Variants in NKAIN3 observed in about 807,000 individuals in gnomAD.
NKAIN3 encodes sodium/potassium-transporting ATPase subunit beta-1-interacting protein 3.
NKAIN3 carries 25 observed loss-of-function variants against 30.2 expected under a neutral mutation model. The observed-to-expected ratio is 0.83, with a 90% CI of 0.60 to 1.16. The LOEUF (loss-of-function observed/expected upper bound fraction) is 1.16, where lower values mean the gene tolerates loss of function less well. Among genes scored for constraint, NKAIN3 ranks in the 50% most tolerant of loss-of-function variants. The pLI, the probability that NKAIN3 is intolerant of heterozygous loss-of-function variation, is 0.00. For synonymous variants in NKAIN3, 91 were observed against 89.6 expected (o/e 1.02, Z -0.09); for missense variants, 225 against 254.1 (o/e 0.89, Z 0.78).
chr8:62,778,999 G>A (rs1211136789), intron 4 of NKAIN3, among the ~76,000 whole-genome samples: 1 of 152,014 alleles, frequency 6.6e-6, no homozygotes, highest in Non-Finnish European at 1.5e-5. Flanking sequence ...GTCCAGAGAT[G>A]TCATGTGGGA....
intron 4 of NKAIN3, among the ~76,000 whole-genome samples, chr8:62,903,209 T>C (rs982365787): frequency 6.6e-6 from 1 of 152,220 alleles, no homozygotes; most frequent in Non-Finnish European, 1.5e-5. Flanking sequence ...ATTGATTCAT[T>C]TGGAGTCCAG....
chr8:62,701,069 G>T (rs1814316196), intron 3 of NKAIN3, among the ~76,000 whole-genome samples: 3 of 152,186 alleles, frequency 2.0e-5, no homozygotes, highest in African/African-American at 7.2e-5. Flanking sequence ...TTGAAGGTCA[G>T]CATTAAATCC....
chr8:62,861,015 G>A (rs142966604), intron 4 of NKAIN3, among the ~76,000 whole-genome samples: 52 of 152,318 alleles, frequency 3.4e-4, no homozygotes, highest in Admixed American at 6.5e-4. Context: ...TAACATGCTT[G>A]ACAACTAATC....
At chr8:62,560,615 C>T (rs1369411835) in intron 1 of NKAIN3, among the ~76,000 whole-genome samples, 1 of 136,674 alleles carries the variant, frequency 7.3e-6, no homozygotes, top group Admixed American at 8.0e-5. Context: ...TCTCAGCTCA[C>T]TACAACCTCC....
chr8:62,546,333 G>A (rs970131187), intron 1 of NKAIN3, among the ~76,000 whole-genome samples: 2 of 152,148 alleles, frequency 1.3e-5, no homozygotes, highest in African/African-American at 4.8e-5. Flanking sequence ...CAAAGCTAAT[G>A]CAGTACACTG....
At chr8:62,308,664 A>G (rs949588395) in intron 1 of NKAIN3, among the ~76,000 whole-genome samples, 2 of 150,488 alleles carry the variant, frequency 1.3e-5, no homozygotes, top group African/African-American at 5.0e-5. Flanking sequence ...GAAGTTGGTA[A>G]TGAATTAACT....
chr8:62,754,270 TAA>T (rs1816378000), intron 4 of NKAIN3, among the ~76,000 whole-genome samples: 2 of 152,096 alleles, frequency 1.3e-5, no homozygotes, highest in Non-Finnish European at 2.9e-5. Flanking sequence ...CTGGGGTTAA[TAA>T]GTCAATAATA....
At chr8:62,839,185 T>C (rs1035067195) in intron 4 of NKAIN3, among the ~76,000 whole-genome samples, 5 of 151,604 alleles carry the variant, frequency 3.3e-5, no homozygotes, top group Non-Finnish European at 7.4e-5. Context: ...ATTCCTTGTC[T>C]ATTATCAACT....
At chr8:62,327,192 G>A (rs1158583381) in intron 1 of NKAIN3, among the ~76,000 whole-genome samples, 1 of 151,920 alleles carries the variant, frequency 6.6e-6, no homozygotes, top group Non-Finnish European at 1.5e-5. Flanking sequence ...GAGTTTAGGA[G>A]TTCTCTACAT....
intron 1 of NKAIN3, among the ~76,000 whole-genome samples, chr8:62,258,541 C>T (rs1326942351): frequency 6.6e-6 from 1 of 151,926 alleles, no homozygotes; most frequent in Non-Finnish European, 1.5e-5. Flanking sequence ...CCTGTAGTCC[C>T]AACTACTTGA....
Position 62,965,946 on chromosome 8 carries a change from T to C in NKAIN3, c.*539T>C, listed in dbSNP as rs1823699023. 2.0e-6 allele frequency: 2 copies of C among 984,706 alleles called. No homozygotes were observed. The highest frequency in any genetic ancestry group is 2.4e-6 in the Non-Finnish European group (2 of 829,426). The allele number at this position is 984,706 out of a possible 1,614,324, so 61.0% of individuals were successfully genotyped here. ...TTTTTCAACAGCATAAAACAAAACATGGAGTCCTCCTTTGTTCCTGACTTC... is the reference window on the plus strand; with the variant it reads ...TTTTTCAACAGCATAAAACAAAACACGGAGTCCTCCTTTGTTCCTGACTTC... On this transcript the variant is annotated 3_prime_UTR_variant, in exon 7 of 7. Transcript: ENST00000623646.
At chr8:62,811,959 A>G (rs973146437) in intron 4 of NKAIN3, among the ~76,000 whole-genome samples, 20 of 151,600 alleles carry the variant, frequency 1.3e-4, no homozygotes, top group African/African-American at 4.8e-4. Context: ...TTTTTTCCCT[A>G]AAGCTTTTAT....
At chr8:62,684,024 A>T (rs996661211) in intron 3 of NKAIN3, among the ~76,000 whole-genome samples, 5 of 152,106 alleles carry the variant, frequency 3.3e-5, no homozygotes, top group African/African-American at 1.2e-4. Flanking sequence ...CCCAACTCCC[A>T]CTACAACCTT....
chr8:62,669,918 T>C (rs1813246515), intron 3 of NKAIN3, among the ~76,000 whole-genome samples: 2 of 152,180 alleles, frequency 1.3e-5, no homozygotes, highest in African/African-American at 4.8e-5. Flanking sequence ...TAAAATGATA[T>C]ATTTTCCTTT....
At chr8:62,988,683 T>C (rs1248617987), downstream of NKAIN3, among the ~76,000 whole-genome samples, 1 of 152,270 alleles carries the variant, frequency 6.6e-6, no homozygotes, top group African/African-American at 2.4e-5. Context: ...TTGTTCCTTC[T>C]AGGCCTCTGG....
intron 4 of NKAIN3, among the ~76,000 whole-genome samples, chr8:62,767,180 A>C (rs1319627210): frequency 6.6e-6 from 1 of 152,106 alleles, no homozygotes; most frequent in Non-Finnish European, 1.5e-5. Flanking sequence ...TGACCCCACT[A>C]TCCTCCAGGC....
At chr8:62,917,063 C>T (rs1210630164) in intron 4 of NKAIN3, among the ~76,000 whole-genome samples, 1 of 151,984 alleles carries the variant, frequency 6.6e-6, no homozygotes, top group Non-Finnish European at 1.5e-5. Flanking sequence ...GGTCACCTGC[C>T]CTACCAGGAA....
intron 4 of NKAIN3, among the ~76,000 whole-genome samples, chr8:62,884,444 G>C (rs1821082626): frequency 6.6e-6 from 1 of 152,118 alleles, no homozygotes; most frequent in Non-Finnish European, 1.5e-5. Flanking sequence ...TTTTAGTAGA[G>C]ATGGGTTTCT....
intron 1 of NKAIN3, among the ~76,000 whole-genome samples, chr8:62,419,025 G>C (rs1490533034): frequency 6.6e-6 from 1 of 152,064 alleles, no homozygotes; most frequent in African/African-American, 2.4e-5. Context: ...TCTACAAGTG[G>C]GTCATTGAGT....
Sources: allele counts gnomAD v4.1 joint callset (sites outside exome capture counted in the v4.1 genomes callset), GRCh38; gene constraint gnomAD v4.1.1; transcripts MANE v1.5; gene names NCBI Gene and HGNC (gene_info 2026-07-23, HGNC 2026-07-21).